The following SRGAP1 variants were observed in gnomAD, a reference collection of about 807,000 sequenced individuals.
The protein encoded by SRGAP1 is SLIT-ROBO Rho GTPase activating protein 1, also known as SLIT-ROBO Rho GTPase-activating protein 1.
In SRGAP1, 43 loss-of-function variants were observed where a neutral mutation model predicts 121.9. The observed-to-expected ratio is 0.35, with a 90% CI of 0.28 to 0.46. The LOEUF (loss-of-function observed/expected upper bound fraction) is 0.46. Ranked by LOEUF, SRGAP1 falls within the 20% of genes least tolerant of loss-of-function variation. The pLI is 1.00. For synonymous variants in SRGAP1, 447 were observed against 485.4 expected, an observed-to-expected ratio of 0.92 and a Z score of 1.04; for missense variants, 1,102 against 1,350.9, an observed-to-expected ratio of 0.82 and a Z score of 2.89.
intron 6 of SRGAP1, among the ~76,000 whole-genome samples, chr12:64,046,710 C>T (rs946280563): frequency 6.6e-6 from 1 of 152,024 alleles, no homozygotes; most frequent in African/African-American, 2.4e-5. Context: ...GACTGAGATA[C>T]CTATCAGACA....
At chr12:63,963,036 A>G (rs949825817) in intron 1 of SRGAP1, among the ~76,000 whole-genome samples, 2 of 152,172 alleles carry the variant, frequency 1.3e-5, no homozygotes, top group Non-Finnish European at 1.5e-5. Context: ...ATTTAGAATT[A>G]TGTTTGTGGC....
At chr12:63,879,632 C>A (rs943299187) in intron 1 of SRGAP1, among the ~76,000 whole-genome samples, 12 of 152,132 alleles carry the variant, frequency 7.9e-5, no homozygotes, top group African/African-American at 2.7e-4. Context: ...CCATGAGCCA[C>A]ACTTTTAGGA....
At chr12:63,972,307 T>A (rs567266416) in intron 1 of SRGAP1, among the ~76,000 whole-genome samples, 1 of 152,232 alleles carries the variant, frequency 6.6e-6, no homozygotes, top group South Asian at 2.1e-4. Context: ...ATAAATAAAA[T>A]ATACTTTTAT....
At chr12:64,087,323 C>T (rs1275684386) in intron 11 of SRGAP1, among the ~76,000 whole-genome samples, 2 of 151,928 alleles carry the variant, frequency 1.3e-5, no homozygotes, top group African/African-American at 2.4e-5. Flanking sequence ...TTCTAAATAG[C>T]GTGACAGGAC....
At chr12:63,954,031 G>A (rs1270366805) in intron 1 of SRGAP1, among the ~76,000 whole-genome samples, 1 of 152,124 alleles carries the variant, frequency 6.6e-6, no homozygotes, top group African/African-American at 2.4e-5. Flanking sequence ...TACAGACATC[G>A]TCTTGGTAGC....
intron 1 of SRGAP1, among the ~76,000 whole-genome samples, chr12:63,971,878 G>T (rs2136392905): frequency 6.6e-6 from 1 of 152,212 alleles, no homozygotes; most frequent in South Asian, 2.1e-4. Flanking sequence ...TAGAATTGCG[G>T]CTTTCAGTTG....
At chr12:64,117,400 A>G (rs757836658) in intron 18 of SRGAP1, among the ~76,000 whole-genome samples, 1 of 152,164 alleles carries the variant, frequency 6.6e-6, no homozygotes, top group Admixed American at 6.5e-5. Context: ...GTGGGTCCAC[A>G]TCAGGTCCTT....
chr12:64,019,633 C>T (rs1408331827), intron 4 of SRGAP1, among the ~76,000 whole-genome samples: 1 of 152,126 alleles, frequency 6.6e-6, no homozygotes, highest in East Asian at 1.9e-4. Context: ...TGCATTTTAT[C>T]TTCAGATACA....
chr12:64,000,309 G>C (rs1318423122), intron 3 of SRGAP1, among the ~76,000 whole-genome samples: 1 of 148,690 alleles, frequency 6.7e-6, no homozygotes, highest in Admixed American at 6.7e-5. Context: ...GGACAAACTA[G>C]TTTAAAATGT....
chr12:64,037,747 C>G (rs1001490301), intron 4 of SRGAP1, among the ~76,000 whole-genome samples: 1 of 152,148 alleles, frequency 6.6e-6, no homozygotes, highest in Non-Finnish European at 1.5e-5. Context: ...CCTGGATGCC[C>G]TCCCTTCATC....
intron 1 of SRGAP1, among the ~76,000 whole-genome samples, chr12:63,931,290 G>A (rs930696389): frequency 2.6e-5 from 4 of 152,090 alleles, no homozygotes; most frequent in Non-Finnish European, 5.9e-5. Context: ...TTTTCTCTGG[G>A]CCTAAGTTTC....
chr12:64,117,138 A>G (rs1193998259), intron 18 of SRGAP1, among the ~76,000 whole-genome samples: 1 of 152,106 alleles, frequency 6.6e-6, no homozygotes, highest in African/African-American at 2.4e-5. Context: ...GTGTTTGGAA[A>G]GTTTGCTTGT....
intron 1 of SRGAP1, among the ~76,000 whole-genome samples, chr12:63,859,392 C>T (rs1174384647): frequency 1.3e-5 from 2 of 152,092 alleles, no homozygotes; most frequent in African/African-American, 2.4e-5. Flanking sequence ...GTCTTGAACT[C>T]GTGGCCTCAA....
intron 14 of SRGAP1, among the ~76,000 whole-genome samples, chr12:64,095,699 T>C (rs1198015314): frequency 6.6e-6 from 1 of 152,210 alleles, no homozygotes; most frequent in Non-Finnish European, 1.5e-5. Flanking sequence ...ATATACATTA[T>C]CTTTTTTCAA....
intron 3 of SRGAP1, among the ~76,000 whole-genome samples, chr12:64,003,802 C>T (rs2033990829): frequency 6.6e-6 from 1 of 151,836 alleles, no homozygotes. Flanking sequence ...AAAATAATTG[C>T]AAGAAAATTT....
chr12:64,004,716 C>A (rs112707565), intron 3 of SRGAP1, among the ~76,000 whole-genome samples: 1 of 152,126 alleles, frequency 6.6e-6, no homozygotes, highest in Admixed American at 6.5e-5. Flanking sequence ...GAATCCTTAC[C>A]CATTTTTCTC....
intron 1 of SRGAP1, among the ~76,000 whole-genome samples, chr12:63,919,527 T>TATATATAC (rs1238483459): frequency 1.5e-4 from 22 of 146,428 alleles, no homozygotes; most frequent in Middle Eastern, 3.5e-3. Context: ...TATATACACA[T>TATATATAC]ACACACACAC....
chr12:64,139,287 CA>C (rs1247987920), intron 21 of SRGAP1, among the ~76,000 whole-genome samples: 4 of 152,198 alleles, frequency 2.6e-5, no homozygotes, highest in African/African-American at 7.2e-5. Flanking sequence ...AAAACTGTAT[CA>C]GGGGAAGACT....
chr12:63,897,758 C>T (rs1196885738), intron 1 of SRGAP1, among the ~76,000 whole-genome samples: 1 of 152,184 alleles, frequency 6.6e-6, no homozygotes, highest in Non-Finnish European at 1.5e-5. Flanking sequence ...TATTCGGAAG[C>T]TCAAATTCAA....
Sources: gnomAD v4.1 joint callset for allele counts (sites outside exome capture counted in the v4.1 genomes callset) on GRCh38, gnomAD v4.1.1 for gene constraint, MANE v1.5 for transcripts, NCBI Gene and HGNC (gene_info 2026-07-23, HGNC 2026-07-21) for gene names.